Variants in GPR84 observed in about 807,000 individuals in gnomAD.
GPR84 encodes the protein G protein-coupled receptor 84.
GPR84 carries 8 observed loss-of-function variants against 14.9 expected under a neutral mutation model. The ratio of observed to expected loss-of-function variants is 0.54; its 90% CI spans 0.31 to 0.97. The LOEUF (loss-of-function observed/expected upper bound fraction) is 0.97. GPR84 is among the 50% of genes least tolerant of loss of function. The probability of loss-of-function intolerance (pLI) is 0.04; values close to 1 mark genes in which losing one functional copy is unlikely to be tolerated. For synonymous variants in GPR84, 164 were observed against 198.1 expected, an observed-to-expected ratio of 0.83 and a Z score of 1.45; for missense variants, 424 against 498.7, an observed-to-expected ratio of 0.85 and a Z score of 1.43.
downstream of GPR84, among the ~76,000 whole-genome samples, chr12:54,361,992 G>C (rs893665617): frequency 6.6e-6 from 1 of 152,238 alleles, no homozygotes; most frequent in African/African-American, 2.4e-5. The surrounding 1 kb of genome is among the most constrained non-coding windows in gnomAD (Gnocchi z 4.3). Flanking sequence ...CATTCCCTTC[G>C]CACAGAGTGA....
chr12:54,364,098 G>C, intron 1 of GPR84: 2 of 432,162 alleles, frequency 4.6e-6, no homozygotes, highest in African/African-American at 2.0e-5. Flanking sequence ...AATATCTCTT[G>C]CCTAAATATC....
At chr12:54,358,827 T>C (rs1954236710), downstream of GPR84, among the ~76,000 whole-genome samples, 1 of 152,064 alleles carries the variant, frequency 6.6e-6, no homozygotes, top group Non-Finnish European at 1.5e-5. Context: ...AACCTTCCTT[T>C]CTTTCTGTCA....
the GPR84 span, chr12:54,353,571 CT>C: frequency 6.5e-6 from 1 of 152,824 alleles, no homozygotes; most frequent in Admixed American, 6.5e-5. Context: ...CTCCCTCCCC[CT>C]GATGCCCATG....
chr12:54,360,207 A>G (rs1487839006), downstream of GPR84, among the ~76,000 whole-genome samples: 1 of 152,146 alleles, frequency 6.6e-6, no homozygotes, highest in African/African-American at 2.4e-5. Context: ...ACAACGTACT[A>G]GGCATTCGGC....
chr12:54,353,446 C>A, the GPR84 span, among the ~76,000 whole-genome samples: 2 of 150,584 alleles, frequency 1.3e-5, no homozygotes, highest in South Asian at 2.1e-4. Flanking sequence ...TCCCCCCACC[C>A]CCCTATGTCT....
At chr12:54,360,459 A>G (rs1183209255), downstream of GPR84, among the ~76,000 whole-genome samples, 1 of 152,098 alleles carries the variant, frequency 6.6e-6, no homozygotes, top group Non-Finnish European at 1.5e-5. Context: ...GAGAGCCTTG[A>G]CTGAAACCTT....
chr12:54,363,410 C>A lies in GPR84; in HGVS notation c.442G>T (p.Gly148Cys). The A allele has an allele frequency of 6.2e-7, 1 of 1,614,058 alleles. No homozygotes were observed. The highest frequency in any genetic ancestry group is 8.5e-7 in the Non-Finnish European group (1 of 1,179,958). ...VLALVSTWVVGVASFAPLWPI... is the reference protein window; with the variant it reads ...VLALVSTWVVCVASFAPLWPI... Reference sequence around the variant, plus strand: ...CAGAGGGGAGCAAAGCTGGCCACGCCCACAACCCAGGTGCTCACCAGTGCC... The same window carrying A: ...CAGAGGGGAGCAAAGCTGGCCACGCACACAACCCAGGTGCTCACCAGTGCC... The change falls in exon 2 of 2, where the codon GGC (glycine) becomes TGC (cysteine). Residue 148 changes from glycine (G) to cysteine (C), a missense_variant. Gly to Cys is a radical substitution (Grantham distance 159, BLOSUM62 -3). Transcript: ENST00000267015.
At position 54,363,525 on chromosome 12, in the gene GPR84, C is replaced by T; in HGVS notation, c.327G>A (p.Leu109=). The T allele has an allele frequency of 1.2e-6, 2 of 1,613,914 alleles. No individual in the cohort carries two copies. The highest frequency in any genetic ancestry group is 1.7e-6 in the Non-Finnish European group (2 of 1,179,952). Residue 109 remains leucine, a synonymous_variant, in exon 2 of 2, where the codon CTG becomes CTA. Coordinates refer to ENST00000267015, the MANE Select transcript of GPR84 (RefSeq NM_020370.3). ...GTCCCAGTGCGATGAGGCAGAGGGTCAGGATGGAGACAGAATTGGAGGCAA... is the reference window on the plus strand; with the variant it reads ...GTCCCAGTGCGATGAGGCAGAGGGTTAGGATGGAGACAGAATTGGAGGCAA... The part of the protein sequence containing the change: ...LLFASNSVSI[L]TLCLIALGRY...
chr12:54,360,600 T>C (rs1027800152), downstream of GPR84, among the ~76,000 whole-genome samples: 2 of 152,226 alleles, frequency 1.3e-5, no homozygotes, highest in Non-Finnish European at 2.9e-5. Flanking sequence ...CAAAAGTGCA[T>C]GTTCCATATT....
chr12:54,350,973 G>A, the GPR84 span: 4 of 188,514 alleles, frequency 2.1e-5, no homozygotes, highest in African/African-American at 4.6e-5. Context: ...TATAGAACGA[G>A]TGGGGGCGGG....
chr12:54,361,245 G>C (rs1373074892), downstream of GPR84, among the ~76,000 whole-genome samples: 1 of 151,904 alleles, frequency 6.6e-6, no homozygotes, highest in Non-Finnish European at 1.5e-5. The surrounding 1 kb of genome is among the most constrained non-coding windows in gnomAD (Gnocchi z 4.3). Context: ...GCAGTGGCGC[G>C]ATCTCGGTTC....
At chr12:54,355,003 G>A in the GPR84 span, among the ~76,000 whole-genome samples, 5 of 152,012 alleles carry the variant, frequency 3.3e-5, no homozygotes, top group Non-Finnish European at 5.9e-5. Flanking sequence ...AGGAGGGATG[G>A]CTGGGCTGAA....
downstream of GPR84, among the ~76,000 whole-genome samples, chr12:54,359,942 T>TCCC (rs148085822): frequency 2.6e-5 from 4 of 151,204 alleles, no homozygotes; most frequent in African/African-American, 9.8e-5. Flanking sequence ...TTTTTTTTTT[T>TCCC]CCCCCCAGCG....
At chr12:54,355,327 A>AGTGTGT in the GPR84 span, among the ~76,000 whole-genome samples, 2,407 of 146,894 alleles carry the variant, frequency 0.016, 53 homozygotes, top group African/African-American at 0.051. Context: ...TGTGTGTGTG[A>AGTGTGT]GTGTGTGTGT....
At chr12:54,360,962 C>G (rs1371791704), downstream of GPR84, among the ~76,000 whole-genome samples, 2 of 152,342 alleles carry the variant, frequency 1.3e-5, no homozygotes, top group African/African-American at 4.8e-5. Flanking sequence ...GGTCAGGGGT[C>G]TCTGGATTCC....
chr12:54,358,382 T>G (rs1954230459), downstream of GPR84, among the ~76,000 whole-genome samples: 2 of 152,148 alleles, frequency 1.3e-5, no homozygotes, highest in South Asian at 4.2e-4. Context: ...AGTAGTCTTC[T>G]CTCACGGCAC....
At chr12:54,356,921 G>A in the GPR84 span, among the ~76,000 whole-genome samples, 1 of 152,340 alleles carries the variant, frequency 6.6e-6, no homozygotes, top group East Asian at 1.9e-4. Flanking sequence ...TTGGGTGGAG[G>A]GGGGTGGTGT....
At chr12:54,359,925 C>T (rs955130469), downstream of GPR84, among the ~76,000 whole-genome samples, 3 of 149,352 alleles carry the variant, frequency 2.0e-5, no homozygotes, top group African/African-American at 7.7e-5. Flanking sequence ...TTCTGTGTCT[C>T]CTGAGTTTTT....
the GPR84 span, among the ~76,000 whole-genome samples, chr12:54,354,237 T>C: frequency 6.6e-6 from 1 of 150,958 alleles, no homozygotes; most frequent in South Asian, 2.1e-4. Flanking sequence ...CACCTCAGCC[T>C]CTTGAGTAGC....
Sources: gnomAD v4.1 joint callset for allele counts (sites outside exome capture counted in the v4.1 genomes callset) on GRCh38, gnomAD v4.1.1 for gene constraint, Gnocchi (gnomAD v3.1) non-coding constraint, MANE v1.5 for transcripts, NCBI Gene and HGNC (gene_info 2026-07-23, HGNC 2026-07-21) for gene names.